Variants in OPCML observed in about 807,000 individuals in gnomAD.
OPCML encodes opioid binding protein/cell adhesion molecule like, also known as opioid-binding protein/cell adhesion molecule.
Under a neutral mutation model 37.8 loss-of-function variants are expected in OPCML, and 13 were observed. The observed-to-expected ratio is 0.34, with a 90% CI of 0.22 to 0.55. The LOEUF (loss-of-function observed/expected upper bound fraction) is 0.55. Among genes scored for constraint, OPCML ranks in the 20% least tolerant of loss-of-function variants. The pLI is 0.91. For missense variants in OPCML, 341 were observed against 435.6 expected (o/e 0.78, Z 1.93); for synonymous variants, 176 against 168.8 (o/e 1.04, Z -0.33).
chr11:133,257,808 C>T (rs1941363329), intron 1 of OPCML, among the ~76,000 whole-genome samples: 1 of 151,908 alleles, frequency 6.6e-6, no homozygotes, highest in Non-Finnish European at 1.5e-5. Flanking sequence ...ATGCCAGATG[C>T]CCTATTCCTT....
chr11:132,520,674 A>ATATATATATGTGTGTGTG (rs10630619), intron 4 of OPCML, among the ~76,000 whole-genome samples: 2 of 128,018 alleles, frequency 1.6e-5, no homozygotes, highest in East Asian at 2.3e-4. Flanking sequence ...CTAAATATAT[A>ATATATATATGTGTGTGTG]TGTGTGTGTG....
chr11:132,671,873 C>T (rs1273171778), intron 2 of OPCML, among the ~76,000 whole-genome samples: 1 of 152,096 alleles, frequency 6.6e-6, no homozygotes, highest in African/African-American at 2.4e-5. Flanking sequence ...AGAAATAAAT[C>T]TTTAGAAATG....
intron 4 of OPCML, among the ~76,000 whole-genome samples, chr11:132,491,769 C>A (rs954034414): frequency 2.0e-5 from 3 of 152,154 alleles, no homozygotes; most frequent in African/African-American, 7.2e-5. Flanking sequence ...GAGCTTACAT[C>A]CTGGTGGAGG....
chr11:133,117,119 A>G (rs1949349193), intron 1 of OPCML, among the ~76,000 whole-genome samples: 1 of 152,180 alleles, frequency 6.6e-6, no homozygotes, highest in Non-Finnish European at 1.5e-5. Context: ...AAAAATTTTT[A>G]ATACTCAAAT....
chr11:133,070,145 C>T lies in OPCML; in HGVS notation c.62-127135G>A, dbSNP rs184578410. Among the ~76,000 whole-genome samples, 5 of 152,276 alleles carry T rather than the reference C, an allele frequency of 3.3e-5. No homozygotes were observed. The East Asian group carries it at 9.6e-4, about 29-fold the overall frequency. On this transcript the variant is annotated intron_variant, in intron 1 of 7. Transcript: ENST00000524381. ...CCATAAAGTGATTTAGGATATATTA[C>T]CTCGGGCATCTGCATTACAAATTTA...
rs929789256 is a variant in OPCML at position 133,046,741 on chromosome 11, G to T, written c.62-103731C>A. Among the ~76,000 whole-genome samples the T allele has an allele frequency of 3.9e-5, 6 of 152,068 alleles. No homozygotes were observed. In the East Asian group the frequency reaches 1.2e-3, roughly 29 times the overall value. ...TCCTCTGCCTATGTTGTGGGCTGTAGCATTTTAATGCCACAAAAGGAAATT... is the reference window on the plus strand; with the variant it reads ...TCCTCTGCCTATGTTGTGGGCTGTATCATTTTAATGCCACAAAAGGAAATT... On this transcript the variant is annotated intron_variant, in intron 1 of 7. Transcript: ENST00000524381.
chr11:132,937,597 T>G (rs75543316), intron 2 of OPCML, among the ~76,000 whole-genome samples: 4,001 of 14,940 alleles, frequency 0.27, 180 homozygotes, highest in East Asian at 0.51. Flanking sequence ...GTGTGTGGGG[T>G]GTGTGTGTGT....
At chr11:132,435,951 T>A (rs1335062738) in intron 7 of OPCML, 135 bp downstream of exon 7, 1 of 743,864 alleles carries the variant, frequency 1.3e-6, no homozygotes, top group Non-Finnish European at 2.1e-6. Flanking sequence ...CAGGGAGAAG[T>A]ATGTCTTATC....
At chr11:133,042,547 G>T (rs1474494853) in intron 1 of OPCML, among the ~76,000 whole-genome samples, 1 of 152,160 alleles carries the variant, frequency 6.6e-6, no homozygotes. Context: ...CTCCCAATAG[G>T]CTAGTTGGGG....
At chr11:132,524,479 C>T (rs1269699693) in intron 4 of OPCML, among the ~76,000 whole-genome samples, 1 of 152,084 alleles carries the variant, frequency 6.6e-6, no homozygotes, top group African/African-American at 2.4e-5. Flanking sequence ...TTTTAATAAG[C>T]CATTGGCTGC....
intron 3 of OPCML, among the ~76,000 whole-genome samples, chr11:132,563,182 C>T (rs991904546): frequency 2.0e-5 from 3 of 152,150 alleles, no homozygotes; most frequent in Admixed American, 2.0e-4. Flanking sequence ...TTATTACCCT[C>T]ATGCTAGAGA....
intron 1 of OPCML, chr11:133,005,874 G>T (rs530586411): frequency 2.0e-6 from 2 of 985,412 alleles, no homozygotes; most frequent in Non-Finnish European, 2.4e-6. Context: ...GCACTTAATT[G>T]CAGAATCCTG....
In OPCML at chr11:133,158,712, A is replaced by AAAAATAAAATAAAATAAAAT. The variant is rs560451941; in HGVS notation, c.62-215722_62-215703dup. The stretch of plus-strand genomic sequence containing the variant: ...AGACTCTGTCTAAAAATAAAATTAA[A>AAAAATAAAATAAAATAAAAT]AAAATAAAATAAAATAAAATAAAAT... On this transcript the variant is annotated intron_variant, in intron 1 of 7. Coordinates refer to ENST00000524381, the MANE Select transcript of OPCML (RefSeq NM_001012393.5). Among the ~76,000 whole-genome samples, 150 of 134,252 alleles carry AAAAATAAAATAAAATAAAAT rather than the reference A, an allele frequency of 1.1e-3. 1 individual carries two copies. Among genetic ancestry groups the AAAAATAAAATAAAATAAAAT allele is most frequent in the African/African-American group, 2.7e-3 (93 of 33,942 alleles). The allele number at this position is 134,252 out of a possible 152,430, so 88.1% of individuals were successfully genotyped here.
chr11:132,605,369 A>G (rs1938214078), intron 3 of OPCML, among the ~76,000 whole-genome samples: 1 of 151,884 alleles, frequency 6.6e-6, no homozygotes, highest in Non-Finnish European at 1.5e-5. Context: ...CATCCTGACC[A>G]ACATGGTGAA....
At position 132,464,901 on chromosome 11, in the gene OPCML, G is replaced by A. The variant is rs111308453; in HGVS notation, c.506-27542C>T. Among the ~76,000 whole-genome samples, 412 of 152,226 alleles carry A rather than the reference G, an allele frequency of 2.7e-3. 2 individuals are homozygous for A. The highest frequency in any genetic ancestry group is 9.6e-3 in the African/African-American group (398 of 41,534). ...CCCTCTTCTCATTCCCTTCCCCAGA[G>A]GAAAGCATGGTTAGCAATTAATGCT... On this transcript the variant is annotated intron_variant, in intron 4 of 7. Coordinates refer to ENST00000524381, the MANE Select transcript of OPCML (RefSeq NM_001012393.5).
chr11:133,228,347 A>G (rs778376804), intron 1 of OPCML, among the ~76,000 whole-genome samples: 12 of 152,334 alleles, frequency 7.9e-5, no homozygotes, highest in Non-Finnish European at 1.6e-4. Context: ...CGAGGTTCAT[A>G]AAGGTTAAAT....
At chr11:132,753,222 T>A (rs372102891) in intron 2 of OPCML, among the ~76,000 whole-genome samples, 3 of 152,194 alleles carry the variant, frequency 2.0e-5, no homozygotes, top group South Asian at 4.1e-4. Flanking sequence ...ACCCTACTGA[T>A]ACATTCTCCC....
intron 1 of OPCML, among the ~76,000 whole-genome samples, chr11:133,500,159 C>T (rs762059917): frequency 3.9e-5 from 6 of 152,100 alleles, no homozygotes; most frequent in East Asian, 1.9e-4. Context: ...CGTGAGCCAC[C>T]GCACCTGGCT....
intron 3 of OPCML, among the ~76,000 whole-genome samples, chr11:132,628,605 G>A (rs1300091876): frequency 1.3e-5 from 2 of 152,098 alleles, no homozygotes; most frequent in Non-Finnish European, 2.9e-5. Flanking sequence ...CTCCCACTCT[G>A]GGCCACTATC....
Sources: allele counts gnomAD v4.1 joint callset (sites outside exome capture counted in the v4.1 genomes callset), GRCh38; gene constraint gnomAD v4.1.1; transcripts MANE v1.5; gene names NCBI Gene and HGNC (gene_info 2026-07-23, HGNC 2026-07-21).